Variants in SPIRE1 observed in about 807,000 individuals in gnomAD.
The protein encoded by SPIRE1 is protein spire homolog 1.
In SPIRE1, 40 loss-of-function variants were observed where a neutral mutation model predicts 94.1. That is an observed-to-expected ratio of 0.43 (90% CI 0.33 to 0.55). SPIRE1 has a LOEUF of 0.55. Among genes scored for constraint, SPIRE1 ranks in the 20% least tolerant of loss-of-function variants. The probability of loss-of-function intolerance (pLI) is 0.06; values close to 1 mark genes in which losing one functional copy is unlikely to be tolerated. For missense variants in SPIRE1, 838 were observed against 975.2 expected (o/e 0.86, Z 1.87); for synonymous variants, 376 against 371.7 (o/e 1.01, Z -0.13).
Position 12,559,954 on chromosome 18 carries a change from AAAGT to A in SPIRE1, c.373-13054_373-13051del, listed in dbSNP as rs1457640789. Among the ~76,000 whole-genome samples, 3 of 152,256 alleles carry A rather than the reference AAAGT, an allele frequency of 2.0e-5. No homozygotes were observed. Among genetic ancestry groups the A allele is most frequent in the Admixed American group, 6.5e-5 (1 of 15,288 alleles). On this transcript the variant is annotated intron_variant, in intron 2 of 16. Transcript: ENST00000409402. This position sits in a 1 kb window ranked among gnomAD's most constrained non-coding sequence, Gnocchi z 4.7. ...CAAAAGATCCGAATAGACATTTCTC[AAAGT>A]AAGAATTAGAAATGGCAAACAGGTA...
intron 3 of SPIRE1, among the ~76,000 whole-genome samples, chr18:12,536,950 T>C (rs1216852601): frequency 1.3e-5 from 2 of 152,222 alleles, no homozygotes; most frequent in Non-Finnish European, 2.9e-5. Flanking sequence ...ATTTTAATAA[T>C]TTCTATCAAT....
At chr18:12,646,415 C>A (rs2038227122) in intron 1 of SPIRE1, among the ~76,000 whole-genome samples, 2 of 152,098 alleles carry the variant, frequency 1.3e-5, no homozygotes, top group African/African-American at 4.8e-5. Flanking sequence ...TGCAGTTTAT[C>A]CCTCTTTGTA....
In SPIRE1 at chr18:12,493,206, A is replaced by T. The variant is rs371337276; in HGVS notation, c.1060-5T>A. 3 of 1,607,304 alleles carry T rather than the reference A, an allele frequency of 1.9e-6. No individual in the cohort carries two copies. The highest frequency in any genetic ancestry group is 4.5e-5 in the East Asian group (2 of 44,860). On this transcript the variant is annotated splice_polypyrimidine_tract_variant and splice_region_variant and intron_variant, in intron 7 of 16. Coordinates refer to ENST00000409402, the MANE Select transcript of SPIRE1 (RefSeq NM_001128626.2). ...TTTCAGTTTTCTGGCTGAGACCTTG[A>T]AAGTAAGAAAAATGGCTAAAGACTT...
At chr18:12,526,092 C>CAG (rs1555619811) in intron 4 of SPIRE1, among the ~76,000 whole-genome samples, 10 of 148,974 alleles carry the variant, frequency 6.7e-5, no homozygotes, top group Non-Finnish European at 1.2e-4. Context: ...CACACACACA[C>CAG]AGAGATGTAT....
intron 3 of SPIRE1, among the ~76,000 whole-genome samples, chr18:12,538,758 T>G (rs1462477288): frequency 2.0e-5 from 3 of 152,218 alleles, no homozygotes; most frequent in Admixed American, 2.0e-4. Context: ...GCAATGATCC[T>G]GCCTCAGCCT....
At chr18:12,558,291 G>T (rs1454138955) in intron 2 of SPIRE1, among the ~76,000 whole-genome samples, 2 of 152,094 alleles carry the variant, frequency 1.3e-5, no homozygotes, top group African/African-American at 4.8e-5. Flanking sequence ...CTTAAAAGCG[G>T]CATGTCTGGA....
rs574240251 is a variant in SPIRE1, at chr18:12,545,132, A to G, written c.603+1542T>C. ...CAAGCTGGTCATTTGTGGTCTGCAG[A>G]AAGTTTAATTGGCCTTTAAGTGTGT... On this transcript the variant is annotated intron_variant, in intron 3 of 16. Transcript: ENST00000409402. Among the ~76,000 whole-genome samples the G allele has an allele frequency of 1.2e-4, 18 of 152,334 alleles. No individual in the cohort carries two copies. In the South Asian group the frequency reaches 3.5e-3, roughly 30 times the overall value.
intron 2 of SPIRE1, among the ~76,000 whole-genome samples, chr18:12,551,681 G>A (rs1460453064): frequency 2.0e-5 from 3 of 151,830 alleles, no homozygotes; most frequent in Non-Finnish European, 4.4e-5. Context: ...CAGTCTGGGT[G>A]ACAGAGCGAG....
upstream of SPIRE1, chr18:12,658,477 G>C (rs763935716): frequency 2.3e-4 from 102 of 447,190 alleles, 1 homozygote; most frequent in Non-Finnish European, 4.3e-4. Flanking sequence ...GCATTTATCA[G>C]GGAAGTCCCC....
chr18:12,506,660 G>C lies in SPIRE1; in HGVS notation c.808-19C>G, dbSNP rs1302634627. 6.2e-7 allele frequency: 1 copy of C among 1,611,830 alleles called. No homozygotes were observed. The highest frequency in any genetic ancestry group is 1.7e-5 in the Admixed American group (1 of 59,898). On this transcript the variant is annotated intron_variant, in intron 5 of 16. Transcript: ENST00000409402. The stretch of plus-strand genomic sequence containing the variant: ...ATCGTGCCTGAAAGAACCAAGGATA[G>C]AGAGACATCAATGAATAAATGTACT...
At chr18:12,483,355 A>G (rs1301896425) in intron 9 of SPIRE1, among the ~76,000 whole-genome samples, 3 of 152,130 alleles carry the variant, frequency 2.0e-5, no homozygotes, top group African/African-American at 4.8e-5. Context: ...AAAGCAAAAC[A>G]CTTGGATAGG....
chr18:12,572,797 T>C (rs1325699806), intron 2 of SPIRE1, among the ~76,000 whole-genome samples: 1 of 152,182 alleles, frequency 6.6e-6, no homozygotes, highest in Non-Finnish European at 1.5e-5. Context: ...GGATTGTCTT[T>C]TCATCAAATG....
chr18:12,618,629 G>A (rs551200479), intron 2 of SPIRE1, among the ~76,000 whole-genome samples: 1 of 152,106 alleles, frequency 6.6e-6, no homozygotes, highest in African/African-American at 2.4e-5. Context: ...TTATCCTAAA[G>A]GGAAACAAAA....
At chr18:12,605,389 C>A (rs1427191332) in intron 2 of SPIRE1, among the ~76,000 whole-genome samples, 1 of 152,068 alleles carries the variant, frequency 6.6e-6, no homozygotes, top group Non-Finnish European at 1.5e-5. Flanking sequence ...ACCTGTAGTC[C>A]CAGCTACTCA....
upstream of SPIRE1, chr18:12,658,337 C>T (rs2038622492): frequency 4.6e-6 from 2 of 433,288 alleles, no homozygotes; most frequent in East Asian, 8.0e-5. Flanking sequence ...CAGCTGGGGG[C>T]GCAATGGTGA....
Position 12,657,597 on chromosome 18 carries a change from G to C in SPIRE1, c.270C>G (p.Val90=), listed in dbSNP as rs866966302. 23 of 1,268,358 alleles carry C rather than the reference G, an allele frequency of 1.8e-5. No individual in the cohort carries two copies. The East Asian group carries it at 7.0e-4, about 38-fold the overall frequency. The allele number at this position is 1,268,358 out of a possible 1,614,324, so 78.6% of individuals were successfully genotyped here. The stretch of plus-strand genomic sequence containing the variant: ...CCAGGGTGACGGCGCCGTCCCTCCA[G>C]ACGCGGATCTGCGCGGCCGAGCGCA... ...HRVRSAAQIR[V]WRDGAVTLAP... Residue 90 remains valine (V), a synonymous_variant, in exon 1 of 17, where the codon GTC becomes GTG. Transcript: ENST00000409402.
intron 1 of SPIRE1, among the ~76,000 whole-genome samples, chr18:12,644,390 T>C (rs1410569060): frequency 7.2e-5 from 11 of 152,150 alleles, no homozygotes; most frequent in Non-Finnish European, 4.4e-5. Context: ...GGGAAAGTTA[T>C]AGTTACATTG....
intron 2 of SPIRE1, among the ~76,000 whole-genome samples, chr18:12,629,467 G>A (rs1430725355): frequency 6.6e-6 from 1 of 152,184 alleles, no homozygotes; most frequent in Admixed American, 6.5e-5. Flanking sequence ...GCGCCTACGA[G>A]TACAGGTTAG....
intron 1 of SPIRE1, among the ~76,000 whole-genome samples, chr18:12,656,994 T>C (rs2038557906): frequency 6.6e-6 from 1 of 152,270 alleles, no homozygotes; most frequent in Non-Finnish European, 1.5e-5. Context: ...GAATCATCTT[T>C]ACATTTCCGA....
Sources: gnomAD v4.1 joint callset for allele counts (sites outside exome capture counted in the v4.1 genomes callset) on GRCh38, gnomAD v4.1.1 for gene constraint, Gnocchi (gnomAD v3.1) non-coding constraint, MANE v1.5 for transcripts, NCBI Gene and HGNC (gene_info 2026-07-23, HGNC 2026-07-21) for gene names.